Variants in DTNB observed in about 807,000 individuals in gnomAD.
DTNB encodes the protein dystrobrevin beta, also known as DTN-B.
In DTNB, 63 loss-of-function variants were observed where a neutral mutation model predicts 90.7. The observed-to-expected ratio is 0.69, with a 90% CI of 0.57 to 0.86. The LOEUF is 0.86. DTNB is among the 40% of genes least tolerant of loss of function. The probability of loss-of-function intolerance (pLI) is 0.00; values close to 1 mark genes in which losing one functional copy is unlikely to be tolerated. For synonymous variants in DTNB, 277 were observed against 286.7 expected (o/e 0.97, Z 0.34); for missense variants, 744 against 807.1 (o/e 0.92, Z 0.95).
chr2:25,634,512 A>C (rs2148791166), intron 3 of DTNB, among the ~76,000 whole-genome samples: 2 of 148,428 alleles, frequency 1.3e-5, no homozygotes, highest in South Asian at 2.1e-4. Flanking sequence ...CCTACTGGGA[A>C]GTGAGGAGCC....
At chr2:25,587,981 G>A (rs1373321942) in intron 6 of DTNB, among the ~76,000 whole-genome samples, 2 of 151,948 alleles carry the variant, frequency 1.3e-5, no homozygotes, top group Non-Finnish European at 2.9e-5. Flanking sequence ...ATAATCCTTC[G>A]TGACATGTGA....
At chr2:25,405,702 G>A (rs947641173) in intron 16 of DTNB, among the ~76,000 whole-genome samples, 2 of 151,728 alleles carry the variant, frequency 1.3e-5, no homozygotes, top group Non-Finnish European at 2.9e-5. Flanking sequence ...ATAATATCTG[G>A]TTTGGCCTGG....
Position 25,525,698 on chromosome 2 carries a change from A to C in DTNB, c.1001+5775T>G, listed in dbSNP as rs1231178801. Among the ~76,000 whole-genome samples, 4 of 152,166 alleles carry C rather than the reference A, an allele frequency of 2.6e-5. No homozygotes were observed. In the East Asian group the frequency reaches 7.7e-4, roughly 29 times the overall value. ...AGAATAAAATAAGAATTAATAAGGA[A>C]AAATCCAAGTTCTAATTCTTAGCTC... On this transcript the variant is annotated intron_variant, in intron 9 of 20. Coordinates refer to ENST00000406818, the MANE Select transcript of DTNB (RefSeq NM_021907.5).
At chr2:25,619,997 G>A (rs981034976) in intron 4 of DTNB, among the ~76,000 whole-genome samples, 4 of 151,992 alleles carry the variant, frequency 2.6e-5, no homozygotes, top group African/African-American at 7.2e-5. Flanking sequence ...CTGAGATCGC[G>A]CCACTGCACT....
chr2:25,538,219 AAAC>A (rs201950980), intron 8 of DTNB, among the ~76,000 whole-genome samples: 10 of 149,794 alleles, frequency 6.7e-5, no homozygotes, highest in Middle Eastern at 6.8e-3. Flanking sequence ...TCCATCTCAA[AAAC>A]AACAACAACA....
chr2:25,488,106 T>A (rs551137468), intron 9 of DTNB, among the ~76,000 whole-genome samples: 1 of 152,258 alleles, frequency 6.6e-6, no homozygotes, highest in African/African-American at 2.4e-5. Context: ...GGGGAATCTT[T>A]GCCCCACATA....
At chr2:25,434,822 T>C (rs1263958435) in intron 12 of DTNB, among the ~76,000 whole-genome samples, 1 of 152,208 alleles carries the variant, frequency 6.6e-6, no homozygotes, top group Non-Finnish European at 1.5e-5. Context: ...TACAATTGCA[T>C]TAATAATAAA....
In DTNB at chr2:25,606,267, C is replaced by T. The variant is rs562069611; in HGVS notation, c.448+969G>A. Among the ~76,000 whole-genome samples, 7 of 152,224 alleles carry T rather than the reference C, an allele frequency of 4.6e-5. No individual in the cohort carries two copies. In the East Asian group the frequency reaches 1.3e-3, roughly 29 times the overall value. ...CCGGGCTCACAGGGTACCACACTACCACACTACCTCATTAAGACTTCAGTC... is the reference window on the plus strand; with the variant it reads ...CCGGGCTCACAGGGTACCACACTACTACACTACCTCATTAAGACTTCAGTC... On this transcript the variant is annotated intron_variant, in intron 5 of 20. Coordinates refer to ENST00000406818, the MANE Select transcript of DTNB (RefSeq NM_021907.5).
intron 15 of DTNB, among the ~76,000 whole-genome samples, chr2:25,423,754 G>A (rs1443163085): frequency 2.6e-5 from 4 of 151,818 alleles, no homozygotes; most frequent in Non-Finnish European, 5.9e-5. Flanking sequence ...CCACCTCCTG[G>A]GTTCAAGCGA....
intron 3 of DTNB, 104 bp from the exon 4 acceptor site, chr2:25,628,488 G>A: frequency 9.1e-7 from 1 of 1,098,424 alleles, no homozygotes; most frequent in Non-Finnish European, 1.3e-6. Flanking sequence ...TTAAAGAGAA[G>A]AAACTCTTTA....
At chr2:25,483,363 G>C (rs930174038) in intron 9 of DTNB, among the ~76,000 whole-genome samples, 3 of 152,078 alleles carry the variant, frequency 2.0e-5, no homozygotes, top group African/African-American at 7.2e-5. Flanking sequence ...CCTGAGATTT[G>C]GTTAGAGCTC....
chr2:25,578,862 C>T (rs951544326), intron 7 of DTNB, among the ~76,000 whole-genome samples: 1 of 151,562 alleles, frequency 6.6e-6, no homozygotes, highest in Non-Finnish European at 1.5e-5. Flanking sequence ...CTTCATAGAG[C>T]CCAAACCAAA....
At chr2:25,614,645 G>A (rs2069687368) in intron 4 of DTNB, among the ~76,000 whole-genome samples, 3 of 152,192 alleles carry the variant, frequency 2.0e-5, no homozygotes, top group Admixed American at 2.0e-4. Flanking sequence ...AAAAGATTTA[G>A]AGAGATATAC....
chr2:25,440,017 T>G (rs1166956930), intron 12 of DTNB, among the ~76,000 whole-genome samples: 1 of 152,196 alleles, frequency 6.6e-6, no homozygotes, highest in Non-Finnish European at 1.5e-5. Context: ...CAAAGCATTA[T>G]GTTCACACCA....
At chr2:25,386,926 T>G (rs1391352597) in intron 18 of DTNB, among the ~76,000 whole-genome samples, 1 of 152,112 alleles carries the variant, frequency 6.6e-6, no homozygotes, top group Non-Finnish European at 1.5e-5. Flanking sequence ...CAGGGAAGTT[T>G]CAGAATGAGG....
At chr2:25,602,369 G>C (rs1276188974) in intron 5 of DTNB, among the ~76,000 whole-genome samples, 2 of 151,798 alleles carry the variant, frequency 1.3e-5, no homozygotes, top group Non-Finnish European at 2.9e-5. Flanking sequence ...AAAACATTTT[G>C]GTTATCTGAA....
intron 6 of DTNB, among the ~76,000 whole-genome samples, chr2:25,593,681 T>C (rs145260971): frequency 5.7e-4 from 87 of 152,360 alleles, no homozygotes; most frequent in African/African-American, 1.9e-3. Context: ...AAGGTTAATT[T>C]GCAGAATCCT....
intron 4 of DTNB, among the ~76,000 whole-genome samples, chr2:25,623,104 A>G (rs2073189463): frequency 6.6e-6 from 1 of 152,200 alleles, no homozygotes. Context: ...GAAAACGAGA[A>G]AACAAAAACA....
intron 1 of DTNB, among the ~76,000 whole-genome samples, chr2:25,661,198 T>C (rs1175671424): frequency 1.3e-5 from 2 of 152,184 alleles, no homozygotes; most frequent in African/African-American, 4.8e-5. Context: ...TAAGCAAAAG[T>C]TTGCCTAAGT....
Sources: allele counts gnomAD v4.1 joint callset (sites outside exome capture counted in the v4.1 genomes callset), GRCh38; gene constraint gnomAD v4.1.1; transcripts MANE v1.5; gene names NCBI Gene and HGNC (gene_info 2026-07-23, HGNC 2026-07-21).